MAML3: variants seen among roughly 807,000 people sequenced by gnomAD.
MAML3 encodes mastermind like transcriptional coactivator 3.
A neutral mutation model predicts 101.9 loss-of-function variants in MAML3; 27 were observed. The ratio of observed to expected loss-of-function variants is 0.27; its 90% CI spans 0.20 to 0.37. The LOEUF (loss-of-function observed/expected upper bound fraction) is 0.37. Ranked by LOEUF, MAML3 falls within the 10% of genes least tolerant of loss-of-function variation. The pLI is 1.00. For synonymous variants in MAML3, 501 were observed against 555.9 expected, an observed-to-expected ratio of 0.90 and a Z score of 1.39; for missense variants, 1,316 against 1,444.9, an observed-to-expected ratio of 0.91 and a Z score of 1.45.
chr4:140,093,977 C>CA (rs1385317911), intron 1 of MAML3, among the ~76,000 whole-genome samples: 1 of 152,196 alleles, frequency 6.6e-6, no homozygotes, highest in Admixed American at 6.5e-5. Context: ...GTAACCACAG[C>CA]AGGAGGGCCA....
intron 1 of MAML3, among the ~76,000 whole-genome samples, chr4:140,039,602 G>A (rs560215023): frequency 1.3e-5 from 2 of 152,220 alleles, no homozygotes; most frequent in South Asian, 2.1e-4. Flanking sequence ...CACCCACCCC[G>A]ACTGTGCAGG....
intron 2 of MAML3, among the ~76,000 whole-genome samples, chr4:139,791,413 T>A (rs1350767972): frequency 1.3e-5 from 2 of 149,268 alleles, no homozygotes; most frequent in East Asian, 4.0e-4. Flanking sequence ...GTAGGGGAAT[T>A]GCTTGAACTC....
intron 2 of MAML3, among the ~76,000 whole-genome samples, chr4:139,744,980 T>C (rs1040730326): frequency 6.6e-6 from 1 of 152,218 alleles, no homozygotes; most frequent in African/African-American, 2.4e-5. Context: ...GCTTCAGTAT[T>C]CTCCTTTATG....
chr4:139,757,863 T>C (rs984217289), intron 2 of MAML3, among the ~76,000 whole-genome samples: 11 of 152,068 alleles, frequency 7.2e-5, no homozygotes, highest in African/African-American at 2.4e-4. Flanking sequence ...CTTCTACTCA[T>C]CCTTGAACTC....
In MAML3 at chr4:140,153,252, G is replaced by A. The variant is rs749983637; in HGVS notation, c.76C>T (p.Leu26Phe). ...ICINSSLNSS[L>F]GGAGIGVNNT... Reference sequence around the variant, plus strand: ...TTCACACCGATCCCGGCCCCGCCGAGGCTGCTGTTCAGGCTACTGTTGATG... The same window carrying A: ...TTCACACCGATCCCGGCCCCGCCGAAGCTGCTGTTCAGGCTACTGTTGATG... The change falls in exon 1 of 5, where the codon CTC becomes TTC. Residue 26 changes from leucine to phenylalanine, a missense_variant. Coordinates refer to ENST00000509479, the MANE Select transcript of MAML3 (RefSeq NM_018717.5). 21 of 1,605,374 alleles carry A rather than the reference G, an allele frequency of 1.3e-5. No individual in the cohort carries two copies. Among genetic ancestry groups the A allele is most frequent in the African/African-American group, 4.0e-5 (3 of 74,828 alleles).
chr4:139,732,544 G>A (rs1472913013), intron 2 of MAML3, among the ~76,000 whole-genome samples: 2 of 151,010 alleles, frequency 1.3e-5, no homozygotes, highest in Non-Finnish European at 2.9e-5. Flanking sequence ...ATCAATGAAT[G>A]GAAGACACAG....
At chr4:140,091,551 A>AAAAAAAAAAAAAAAAG (rs1728052313) in intron 1 of MAML3, among the ~76,000 whole-genome samples, 1 of 149,684 alleles carries the variant, frequency 6.7e-6, no homozygotes, top group Non-Finnish European at 1.5e-5. Flanking sequence ...AACAAAACAA[A>AAAAAAAAAAAAAAAAG]AAAAAAAAAC....
At chr4:139,732,974 A>G (rs527263171) in intron 2 of MAML3, among the ~76,000 whole-genome samples, 1 of 152,332 alleles carries the variant, frequency 6.6e-6, no homozygotes, top group African/African-American at 2.4e-5. Context: ...AATGCCAGGA[A>G]CCTTTGTGCT....
At chr4:139,967,583 T>TGA (rs1158838990) in intron 1 of MAML3, among the ~76,000 whole-genome samples, 1 of 151,290 alleles carries the variant, frequency 6.6e-6, no homozygotes, top group Non-Finnish European at 1.5e-5. Context: ...CATAAGGCGG[T>TGA]GAGAGAGAGT....
intron 1 of MAML3, among the ~76,000 whole-genome samples, chr4:140,008,310 G>A (rs769276101): frequency 1.3e-5 from 2 of 152,168 alleles, no homozygotes; most frequent in Non-Finnish European, 2.9e-5. Context: ...TCGCGCCACT[G>A]CACTCCAGCC....
chr4:139,900,319 G>A (rs1490961457), intron 1 of MAML3, among the ~76,000 whole-genome samples: 2 of 152,128 alleles, frequency 1.3e-5, no homozygotes, highest in Non-Finnish European at 2.9e-5. Context: ...TTTTTTGGGG[G>A]TGTGGCTGAA....
chr4:139,800,692 A>T (rs558759519), intron 2 of MAML3, among the ~76,000 whole-genome samples: 2 of 152,358 alleles, frequency 1.3e-5, no homozygotes, highest in East Asian at 3.9e-4. Context: ...GAAAACTCAA[A>T]GTCAGCTTTA....
intron 2 of MAML3, among the ~76,000 whole-genome samples, chr4:139,739,684 T>G (rs1304149883): frequency 8.6e-4 from 125 of 145,604 alleles, no homozygotes; most frequent in African/African-American, 2.5e-3. Flanking sequence ...AAGCAGTTTT[T>G]TTTTTTTTTT....
At chr4:140,031,666 C>T (rs1370709987) in intron 1 of MAML3, among the ~76,000 whole-genome samples, 5 of 152,098 alleles carry the variant, frequency 3.3e-5, no homozygotes, top group African/African-American at 1.2e-4. Context: ...TTATAATAAC[C>T]CTGTAGTGGC....
At chr4:139,800,411 G>T (rs6849438) in intron 2 of MAML3, among the ~76,000 whole-genome samples, 46,236 of 151,992 alleles carry the variant, frequency 0.3, 7,414 homozygotes, top group East Asian at 0.61. Context: ...TGTGTATAGG[G>T]GCTGTCTCAA....
intron 1 of MAML3, among the ~76,000 whole-genome samples, chr4:139,977,872 CA>C (rs1269869222): frequency 6.8e-6 from 1 of 147,594 alleles, no homozygotes; most frequent in African/African-American, 2.5e-5. Context: ...AACTCCCTAA[CA>C]AAAAAACAAA....
chr4:139,859,867 T>C (rs527387409), intron 2 of MAML3, among the ~76,000 whole-genome samples: 3 of 152,136 alleles, frequency 2.0e-5, no homozygotes, highest in East Asian at 1.9e-4. Context: ...ATCGAGAAGG[T>C]TTTAAACGTG....
Position 139,859,452 on chromosome 4 carries a change from C to A in MAML3, c.2079+29905G>T, listed in dbSNP as rs192927720. On this transcript the variant is annotated intron_variant, in intron 2 of 4. Coordinates refer to ENST00000509479, the MANE Select transcript of MAML3 (RefSeq NM_018717.5). ...GAACTTCTGGGCTCAAGCGACCCAC[C>A]TGCCTCGACCTCCCAAAGTGCTGGG... 2.6e-5 allele frequency among the ~76,000 whole-genome samples: 4 copies of A among 151,902 alleles called. No homozygotes were observed. The East Asian group carries it at 7.7e-4, about 29-fold the overall frequency.
chr4:139,924,619 T>A (rs868495686), intron 1 of MAML3, among the ~76,000 whole-genome samples: 1 of 149,700 alleles, frequency 6.7e-6, no homozygotes. Context: ...GAGTCAGGTA[T>A]ACTAAAGTGT....
Sources: gnomAD v4.1 joint callset for allele counts (sites outside exome capture counted in the v4.1 genomes callset) on GRCh38, gnomAD v4.1.1 for gene constraint, MANE v1.5 for transcripts, NCBI Gene and HGNC (gene_info 2026-07-23, HGNC 2026-07-21) for gene names.